Variants in ZEB2 observed in about 807,000 individuals in gnomAD.
The protein encoded by ZEB2 is zinc finger E-box binding homeobox 2.
A neutral mutation model predicts 99.9 loss-of-function variants in ZEB2; 6 were observed. The ratio of observed to expected loss-of-function variants is 0.06; its 90% CI spans 0.03 to 0.12. The LOEUF is 0.12. ZEB2 is among the 10% of genes least tolerant of loss of function. ZEB2 has a pLI of 1.00. For synonymous variants in ZEB2, 517 were observed against 542.5 expected (o/e 0.95, Z 0.65); for missense variants, 969 against 1,502.8 (o/e 0.64, Z 5.87).
intron 2 of ZEB2, among the ~76,000 whole-genome samples, chr2:144,458,822 G>A (rs1401152809): frequency 2.0e-5 from 3 of 152,128 alleles, no homozygotes; most frequent in African/African-American, 4.8e-5. Context: ...AAACATCCAG[G>A]TGGAAATGCT....
chr2:144,436,672 T>C (rs1257409607), intron 2 of ZEB2, among the ~76,000 whole-genome samples: 1 of 152,168 alleles, frequency 6.6e-6, no homozygotes, highest in Non-Finnish European at 1.5e-5. Flanking sequence ...AGGTTCAAAT[T>C]TCCATACATT....
chr2:144,406,460 C>T (rs1449612195), intron 4 of ZEB2, among the ~76,000 whole-genome samples: 1 of 151,940 alleles, frequency 6.6e-6, no homozygotes, highest in Non-Finnish European at 1.5e-5. Flanking sequence ...CTGATGGCAG[C>T]TAGAAGATCA....
At chr2:144,473,350 G>A (rs890583) in intron 2 of ZEB2, among the ~76,000 whole-genome samples, 118,754 of 152,116 alleles carry the variant, frequency 0.78, 46,742 homozygotes, top group Non-Finnish European at 0.83. Flanking sequence ...GCCAAAGCCA[G>A]TGTCATTAAG....
intron 2 of ZEB2, among the ~76,000 whole-genome samples, chr2:144,468,842 G>T (rs1573776855): frequency 6.6e-6 from 1 of 152,162 alleles, no homozygotes; most frequent in East Asian, 1.9e-4. Flanking sequence ...TGCCACTCAG[G>T]TGTTTTTTTA....
intron 2 of ZEB2, 140 bp from the exon 3 acceptor site, chr2:144,430,166 T>C (rs1450108992): frequency 6.3e-6 from 8 of 1,260,966 alleles, no homozygotes; most frequent in Non-Finnish European, 7.7e-6. Flanking sequence ...ATAATTAATA[T>C]CCTTCAGGTT....
intron 4 of ZEB2, chr2:144,405,242 A>T: frequency 1.7e-6 from 1 of 577,180 alleles, no homozygotes; most frequent in Non-Finnish European, 3.1e-6. Flanking sequence ...AAATAAGCAC[A>T]TTTTATTTTA....
chr2:144,503,991 G>C (rs1483772238), intron 2 of ZEB2: 1 of 144,972 alleles, frequency 6.9e-6, no homozygotes. Flanking sequence ...TAGTCTCTGT[G>C]AACATTTAAT....
At chr2:144,424,727 C>G (rs1474436567) in intron 4 of ZEB2, 69 bp downstream of exon 4, 5 of 1,564,010 alleles carry the variant, frequency 3.2e-6, no homozygotes, top group East Asian at 4.5e-5. Context: ...GTCACTGTTT[C>G]CTTCCCTGCC....
At chr2:144,457,300 T>C (rs1366661945) in intron 2 of ZEB2, among the ~76,000 whole-genome samples, 2 of 152,152 alleles carry the variant, frequency 1.3e-5, no homozygotes, top group Admixed American at 1.3e-4. Flanking sequence ...ATGAGTAAAT[T>C]GAATCTCAGA....
chr2:144,452,708 T>A (rs1175195197), intron 2 of ZEB2, among the ~76,000 whole-genome samples: 1 of 152,172 alleles, frequency 6.6e-6, no homozygotes, highest in African/African-American at 2.4e-5. Context: ...CCCTGTCTTT[T>A]GTTTTTCCTT....
In ZEB2 at chr2:144,404,997, A is replaced by C. The variant is rs751531131; in HGVS notation, c.431T>G (p.Phe144Cys). 1.9e-6 allele frequency: 3 copies of C among 1,614,026 alleles called. No homozygotes were observed. In the African/African-American group the frequency reaches 4.0e-5, roughly 22 times the overall value. ...TTTTCTTTTGGCAAAGTATTCCTCA[A>C]AATCTGATGTGCAATTTGCATTCTT... Reference protein sequence around the residue: ...TVKNANCTSDFEEYFAKRKLE... With the variant: ...TVKNANCTSDCEEYFAKRKLE... The change falls in exon 5 of 10, where the codon TTT (phenylalanine) becomes TGT (cysteine). Residue 144 changes from phenylalanine to cysteine, a missense_variant. Transcript: ENST00000627532.
intron 4 of ZEB2, among the ~76,000 whole-genome samples, chr2:144,415,212 T>C (rs1476086916): frequency 6.6e-6 from 1 of 152,190 alleles, no homozygotes; most frequent in Non-Finnish European, 1.5e-5. Flanking sequence ...TGTTTCTAAT[T>C]TGTAATCAAG....
chr2:144,511,490 A>G (rs910874261), intron 2 of ZEB2: 7 of 1,279,708 alleles, frequency 5.5e-6, no homozygotes, highest in Non-Finnish European at 7.1e-6. Flanking sequence ...TATTTGGCAC[A>G]TAGCTATTAA....
intron 2 of ZEB2, chr2:144,512,418 A>G (rs1384699261): frequency 7.8e-7 from 1 of 1,287,126 alleles, no homozygotes; most frequent in South Asian, 1.2e-5. Context: ...GTAGACATAC[A>G]TTTTTCCCAG....
chr2:144,389,811 C>T lies in ZEB2; in HGVS notation c.3285G>A (p.Ala1095=), dbSNP rs201630448. 54 of 1,612,308 alleles carry T rather than the reference C, an allele frequency of 3.3e-5. No individual in the cohort carries two copies. In the East Asian group the frequency reaches 1.2e-3, roughly 35 times the overall value. The part of the protein sequence containing the change: ...AEEREAAERE[A]REKGHLEPTE... ...TGGGTTCCAAGTGCCCTTTCTCGCG[C>T]GCCTCGCGCTCCGCCGCTTCCCGCT... The change falls in exon 10 of 10, where the codon GCG becomes GCA. Residue 1095 remains alanine, a synonymous_variant. Coordinates refer to ENST00000627532, the MANE Select transcript of ZEB2 (RefSeq NM_014795.4). The surrounding 1 kb of genome is among the most constrained non-coding windows in gnomAD (Gnocchi z 6.8).
At chr2:144,488,454 A>C (rs1046516752) in intron 2 of ZEB2, among the ~76,000 whole-genome samples, 13 of 152,186 alleles carry the variant, frequency 8.5e-5, no homozygotes, top group Non-Finnish European at 1.9e-4. Flanking sequence ...CCTTTAAATG[A>C]ATACTGCTTA....
At chr2:144,518,492 AC>A (rs1705206883) in intron 1 of ZEB2, 1 of 151,910 alleles carries the variant, frequency 6.6e-6, no homozygotes, top group African/African-American at 2.4e-5. Context: ...AGGGCCATTA[AC>A]CCTTTCTCTG....
At chr2:144,481,957 A>G (rs1314083650) in intron 2 of ZEB2, among the ~76,000 whole-genome samples, 1 of 152,192 alleles carries the variant, frequency 6.6e-6, no homozygotes, top group Non-Finnish European at 1.5e-5. Flanking sequence ...TAATAGTGTT[A>G]TAGAAAAATG....
intron 2 of ZEB2, among the ~76,000 whole-genome samples, chr2:144,480,393 C>A (rs1704493620): frequency 6.6e-6 from 1 of 152,046 alleles, no homozygotes; most frequent in African/African-American, 2.4e-5. Flanking sequence ...AGCAGGGTTC[C>A]CAGTAGTCCC....
Sources: gnomAD v4.1 joint callset for allele counts (sites outside exome capture counted in the v4.1 genomes callset) on GRCh38, gnomAD v4.1.1 for gene constraint, Gnocchi (gnomAD v3.1) non-coding constraint, MANE v1.5 for transcripts, NCBI Gene and HGNC (gene_info 2026-07-23, HGNC 2026-07-21) for gene names.